The following FHIT variants were observed in gnomAD, a reference collection of about 807,000 sequenced individuals.
The protein encoded by FHIT is fragile histidine triad diadenosine triphosphatase.
A neutral mutation model predicts 17.9 loss-of-function variants in FHIT; 19 were observed. That is an observed-to-expected ratio of 1.06 (90% CI 0.74 to 1.56). The LOEUF is 1.56. Among genes scored for constraint, FHIT ranks in the 40% most tolerant of loss-of-function variants. The pLI is 0.00. For missense variants in FHIT, 248 were observed against 189.2 expected (o/e 1.31, Z -1.82); for synonymous variants, 81 against 69.7 (o/e 1.16, Z -0.81).
At chr3:61,064,691 G>A (rs1045750538) in intron 2 of FHIT, among the ~76,000 whole-genome samples, 5 of 151,942 alleles carry the variant, frequency 3.3e-5, no homozygotes, top group Admixed American at 2.6e-4. Flanking sequence ...ACGCCCACAC[G>A]CTGCTTCAAA....
intron 5 of FHIT, among the ~76,000 whole-genome samples, chr3:60,344,333 A>G (rs1710669591): frequency 6.6e-6 from 1 of 152,194 alleles, no homozygotes; most frequent in Admixed American, 6.6e-5. Context: ...TGCGTCCAAC[A>G]AAGAGAATAT....
chr3:60,597,083 G>C (rs2038295094), intron 4 of FHIT, among the ~76,000 whole-genome samples: 1 of 152,072 alleles, frequency 6.6e-6, no homozygotes, highest in African/African-American at 2.4e-5. Flanking sequence ...GGACAACGGA[G>C]GCTTGCAGAA....
chr3:59,769,575 G>A (rs556184894), intron 8 of FHIT, among the ~76,000 whole-genome samples: 40 of 152,070 alleles, frequency 2.6e-4, no homozygotes, highest in Non-Finnish European at 4.6e-4. Flanking sequence ...ATTACTTACC[G>A]CAAGCTGCCA....
At chr3:59,852,591 G>A (rs2106798639) in intron 8 of FHIT, among the ~76,000 whole-genome samples, 1 of 152,196 alleles carries the variant, frequency 6.6e-6, no homozygotes, top group African/African-American at 2.4e-5. Context: ...ATGGGTTTGG[G>A]TAAATGTATA....
intron 7 of FHIT, among the ~76,000 whole-genome samples, chr3:59,926,054 A>G (rs999282823): frequency 6.6e-6 from 1 of 152,238 alleles, no homozygotes. Flanking sequence ...CAAATTTGCT[A>G]GGGGTTGCAG....
Position 60,498,772 on chromosome 3 carries a change from A to G in FHIT, c.103+38088T>C, listed in dbSNP as rs762480409. On this transcript the variant is annotated intron_variant, in intron 5 of 9. Transcript: ENST00000492590. Reference sequence around the variant, plus strand: ...TTTACCTGATTCTAGGACCTGTGAAATAAAAACCTACTTCAAAGATATTTA... The same window carrying G: ...TTTACCTGATTCTAGGACCTGTGAAGTAAAAACCTACTTCAAAGATATTTA... Among the ~76,000 whole-genome samples the G allele has an allele frequency of 6.1e-4, 93 of 152,204 alleles. 2 individuals are homozygous for G. The highest frequency in any genetic ancestry group is 2.1e-4 in the Non-Finnish European group (14 of 68,036).
At chr3:60,133,531 C>G (rs1031304519) in intron 5 of FHIT, among the ~76,000 whole-genome samples, 11 of 152,184 alleles carry the variant, frequency 7.2e-5, no homozygotes, top group African/African-American at 2.4e-4. Context: ...ATAAATCACA[C>G]AGGGAGAAGT....
chr3:60,946,379 A>G (rs1708640454), intron 3 of FHIT, among the ~76,000 whole-genome samples: 1 of 152,212 alleles, frequency 6.6e-6, no homozygotes, highest in African/African-American at 2.4e-5. Flanking sequence ...ACTGAATGAC[A>G]TTTAGCATCC....
At chr3:61,208,933 A>G (rs572300493) in intron 1 of FHIT, among the ~76,000 whole-genome samples, 222 of 152,068 alleles carry the variant, frequency 1.5e-3, no homozygotes, top group African/African-American at 4.9e-3. Context: ...AAAATTTGGC[A>G]TGTTTTTGCA....
At chr3:60,522,124 T>TTC (rs1553640675) in intron 5 of FHIT, among the ~76,000 whole-genome samples, 6 of 151,180 alleles carry the variant, frequency 4.0e-5, no homozygotes, top group African/African-American at 7.3e-5. Flanking sequence ...TTTTTTTTTT[T>TTC]CTGACACAGA....
chr3:60,255,491 C>A (rs1312039476), intron 5 of FHIT, among the ~76,000 whole-genome samples: 2 of 152,000 alleles, frequency 1.3e-5, no homozygotes, highest in Non-Finnish European at 2.9e-5. Context: ...CCGGACAGAG[C>A]AAGCACCACC....
chr3:60,699,008 C>A (rs2107903256), intron 4 of FHIT, among the ~76,000 whole-genome samples: 1 of 152,268 alleles, frequency 6.6e-6, no homozygotes, highest in South Asian at 2.1e-4. Flanking sequence ...AACTAATCAA[C>A]TGTTTTATGA....
At chr3:60,740,727 C>A (rs1422747753) in intron 4 of FHIT, among the ~76,000 whole-genome samples, 4 of 152,070 alleles carry the variant, frequency 2.6e-5, no homozygotes, top group African/African-American at 9.7e-5. Context: ...CAGTCCTTAC[C>A]CAGCAAAATA....
intron 1 of FHIT, among the ~76,000 whole-genome samples, chr3:61,211,264 G>T (rs979311769): frequency 2.0e-5 from 3 of 151,890 alleles, no homozygotes; most frequent in African/African-American, 7.2e-5. Context: ...AGAAAGGGGT[G>T]ACAGACGGCA....
chr3:60,011,411 G>A lies in FHIT; in HGVS notation c.250-11C>T. 6.2e-7 allele frequency: 1 copy of A among 1,612,628 alleles called. No homozygotes were observed. Among genetic ancestry groups the A allele is most frequent in the Non-Finnish European group, 8.5e-7 (1 of 1,178,834 alleles). ...GGCTTCGGGGCCATCCTAGAAGTAG[G>A]AAAAAACCAACAGAGGTGAGAATAG... On this transcript the variant is annotated splice_polypyrimidine_tract_variant and intron_variant, in intron 6 of 9. Coordinates refer to ENST00000492590, the MANE Select transcript of FHIT (RefSeq NM_002012.4).
intron 4 of FHIT, among the ~76,000 whole-genome samples, chr3:60,600,270 A>G (rs782558147): frequency 7.2e-5 from 11 of 152,012 alleles, no homozygotes; most frequent in Non-Finnish European, 1.5e-4. Flanking sequence ...TCTTTTTTCC[A>G]TAAGTTATTC....
intron 3 of FHIT, among the ~76,000 whole-genome samples, chr3:60,970,655 G>C (rs1709966896): frequency 6.6e-6 from 1 of 151,918 alleles, no homozygotes; most frequent in African/African-American, 2.4e-5. Context: ...ATGATTTCTT[G>C]ACTTATTAGA....
intron 4 of FHIT, among the ~76,000 whole-genome samples, chr3:60,584,616 G>A (rs930753018): frequency 6.6e-6 from 1 of 151,962 alleles, no homozygotes; most frequent in African/African-American, 2.4e-5. Flanking sequence ...CATAGGATCA[G>A]AAATTTATCA....
intron 7 of FHIT, among the ~76,000 whole-genome samples, chr3:59,971,524 C>G (rs1428639978): frequency 6.6e-6 from 1 of 152,008 alleles, no homozygotes; most frequent in Non-Finnish European, 1.5e-5. Context: ...CTCCCATAAT[C>G]AATTGAAGAA....
Sources: allele counts gnomAD v4.1 joint callset (sites outside exome capture counted in the v4.1 genomes callset), GRCh38; gene constraint gnomAD v4.1.1; transcripts MANE v1.5; gene names NCBI Gene and HGNC (gene_info 2026-07-23, HGNC 2026-07-21).